BMPR2: variants seen among roughly 807,000 people sequenced by gnomAD.
The protein encoded by BMPR2 is bone morphogenetic protein receptor type 2.
A neutral mutation model predicts 100.8 loss-of-function variants in BMPR2; 29 were observed. The ratio of observed to expected loss-of-function variants is 0.29; its 90% CI spans 0.21 to 0.39. BMPR2 has a LOEUF of 0.39. Ranked by LOEUF, BMPR2 falls within the 10% of genes least tolerant of loss-of-function variation. The pLI, the probability that BMPR2 is intolerant of heterozygous loss-of-function variation, is 1.00. For synonymous variants in BMPR2, 382 were observed against 442.3 expected (o/e 0.86, Z 1.71); for missense variants, 1,011 against 1,274.5 (o/e 0.79, Z 3.15).
At chr2:202,390,214 G>A (rs1690519278) in intron 1 of BMPR2, among the ~76,000 whole-genome samples, 2 of 152,100 alleles carry the variant, frequency 1.3e-5, no homozygotes, top group South Asian at 4.1e-4. Flanking sequence ...CTAGAAGTAA[G>A]ATCATGTGGT....
chr2:202,410,024 G>A (rs1472591470), intron 1 of BMPR2, among the ~76,000 whole-genome samples: 2 of 151,082 alleles, frequency 1.3e-5, no homozygotes, highest in South Asian at 2.1e-4. Flanking sequence ...TCACCCTGTC[G>A]CCCAGGCTGG....
intron 12 of BMPR2, among the ~76,000 whole-genome samples, chr2:202,556,831 T>A (rs1256465701): frequency 6.7e-6 from 1 of 150,006 alleles, no homozygotes; most frequent in Non-Finnish European, 1.5e-5. Context: ...ACGCCTGTAA[T>A]CCCAGCACTT....
chr2:202,544,719 A>T (rs1380960996), intron 10 of BMPR2, among the ~76,000 whole-genome samples: 1 of 148,564 alleles, frequency 6.7e-6, no homozygotes, highest in Non-Finnish European at 1.5e-5. Context: ...AAAATTCAAA[A>T]GTTTCTTAAA....
Position 202,556,471 on chromosome 2 carries a change from C to A in BMPR2, c.2806C>A (p.Gln936Lys). 1 of 1,614,148 alleles carries A rather than the reference C, an allele frequency of 6.2e-7. No individual in the cohort carries two copies. Among genetic ancestry groups the A allele is most frequent in the South Asian group, 1.1e-5 (1 of 91,082 alleles). ...DPGPSKPRRAQRPNSLDLSAT... is the reference protein window; with the variant it reads ...DPGPSKPRRAKRPNSLDLSAT... ...TGGGCCATCAAAGCCCAGAAGAGCA[C>A]AGAGGCCTAATTCTCTGGATCTTTC... The change falls in exon 12 of 13, where the codon CAG becomes AAG. Residue 936 changes from glutamine (Q) to lysine (K), a missense_variant. Transcript: ENST00000374580.
Position 202,469,504 on chromosome 2 carries a change from A to T in BMPR2, c.418+1815A>T. The T allele has an allele frequency of 6.1e-6, 2 of 327,022 alleles. 1 individual carries two copies. The highest frequency in any genetic ancestry group is 2.2e-4 in the East Asian group (2 of 9,002). 20.3% of individuals were successfully genotyped at this position (327,022 alleles called of 1,614,324 possible). A position where few individuals can be genotyped will look rare whatever the true frequency, so the allele number is the denominator to read the frequency against. ...TTATTTATTTATTTTTTTGAGACAG[A>T]ATCTTGCTTTTGTCACCCTGGCTAG... On this transcript the variant is annotated intron_variant, in intron 3 of 12. Coordinates refer to ENST00000374580, the MANE Select transcript of BMPR2 (RefSeq NM_001204.7).
intron 1 of BMPR2, among the ~76,000 whole-genome samples, chr2:202,458,266 G>A (rs1692160454): frequency 8.7e-6 from 1 of 114,332 alleles, no homozygotes; most frequent in Non-Finnish European, 1.7e-5. Context: ...GGGCAACATA[G>A]CAAGACCTTG....
chr2:202,443,615 G>A (rs1489542805), intron 1 of BMPR2, among the ~76,000 whole-genome samples: 3 of 149,484 alleles, frequency 2.0e-5, no homozygotes, highest in South Asian at 4.2e-4. Flanking sequence ...CCAGGCTGGA[G>A]TGCAGTGGCG....
chr2:202,498,907 A>G (rs965325168), intron 3 of BMPR2, among the ~76,000 whole-genome samples: 1 of 152,158 alleles, frequency 6.6e-6, no homozygotes, highest in Non-Finnish European at 1.5e-5. Flanking sequence ...AGAATATACA[A>G]CTATGCAAAG....
At chr2:202,509,313 A>T (rs1400636425) in intron 3 of BMPR2, among the ~76,000 whole-genome samples, 1 of 152,058 alleles carries the variant, frequency 6.6e-6, no homozygotes. Context: ...TTTGTTGCTT[A>T]TATTAGTAAC....
At chr2:202,479,528 C>T (rs1276234407) in intron 3 of BMPR2, among the ~76,000 whole-genome samples, 5 of 152,072 alleles carry the variant, frequency 3.3e-5, no homozygotes, top group Non-Finnish European at 7.3e-5. Flanking sequence ...TTCCCGTTAT[C>T]TCCCCTCTGC....
intron 1 of BMPR2, among the ~76,000 whole-genome samples, chr2:202,401,114 G>A (rs183228438): frequency 1.3e-4 from 20 of 152,260 alleles, no homozygotes; most frequent in Admixed American, 9.2e-4. Flanking sequence ...CTTTCAGTTG[G>A]ATGTCACTCA....
intron 1 of BMPR2, among the ~76,000 whole-genome samples, chr2:202,458,652 G>A (rs1411952872): frequency 6.6e-6 from 1 of 151,050 alleles, no homozygotes; most frequent in Non-Finnish European, 1.5e-5. Flanking sequence ...TTTCTTTAAT[G>A]TGCACATTTT....
At chr2:202,500,753 C>G (rs1687369549) in intron 3 of BMPR2, among the ~76,000 whole-genome samples, 2 of 152,184 alleles carry the variant, frequency 1.3e-5, no homozygotes, top group South Asian at 4.1e-4. Context: ...AGTAATTCCA[C>G]TATATCCAGT....
intron 4 of BMPR2, among the ~76,000 whole-genome samples, chr2:202,514,170 C>T (rs1351390496): frequency 6.6e-6 from 1 of 152,060 alleles, no homozygotes; most frequent in Non-Finnish European, 1.5e-5. Flanking sequence ...CGGAGTCTCG[C>T]TGTCGCCCAG....
At chr2:202,411,737 T>C (rs1317967408) in intron 1 of BMPR2, among the ~76,000 whole-genome samples, 1 of 152,204 alleles carries the variant, frequency 6.6e-6, no homozygotes, top group African/African-American at 2.4e-5. Flanking sequence ...GCCTCTGTGG[T>C]ATTTTTTGCC....
chr2:202,510,460 T>C (rs1687598776), intron 3 of BMPR2, among the ~76,000 whole-genome samples: 1 of 152,208 alleles, frequency 6.6e-6, no homozygotes, highest in South Asian at 2.1e-4. Flanking sequence ...AAGTACATAT[T>C]GCTAAGTGAA....
At chr2:202,535,715 T>G (rs1292412258) in intron 9 of BMPR2, among the ~76,000 whole-genome samples, 1 of 151,844 alleles carries the variant, frequency 6.6e-6, no homozygotes, top group East Asian at 1.9e-4. Flanking sequence ...TCTCAGCACT[T>G]TGGGAGGCCA....
intron 3 of BMPR2, among the ~76,000 whole-genome samples, chr2:202,498,615 G>A (rs1382055006): frequency 6.6e-6 from 1 of 152,160 alleles, no homozygotes; most frequent in Non-Finnish European, 1.5e-5. Flanking sequence ...AAAACCACGG[G>A]CGGTTTTGTC....
rs145837560 is a variant in BMPR2 at position 202,453,857 on chromosome 2, G to A, written c.77-10952G>A. 1.4e-3 allele frequency among the ~76,000 whole-genome samples: 215 copies of A among 152,244 alleles called. 4 individuals carry two copies. The East Asian group carries it at 0.041, about 29-fold the overall frequency. Reference sequence around the variant, plus strand: ...TGTAATACAAAGAATAAATGCTTAAGGGGATGCATATGCCATTTACCCTGA... The same window carrying A: ...TGTAATACAAAGAATAAATGCTTAAAGGGATGCATATGCCATTTACCCTGA... On this transcript the variant is annotated intron_variant, in intron 1 of 12. Coordinates refer to ENST00000374580, the MANE Select transcript of BMPR2 (RefSeq NM_001204.7).
Sources: allele counts gnomAD v4.1 joint callset (sites outside exome capture counted in the v4.1 genomes callset), GRCh38; gene constraint gnomAD v4.1.1; transcripts MANE v1.5; gene names NCBI Gene and HGNC (gene_info 2026-07-23, HGNC 2026-07-21).